HIBADH: variants seen among roughly 807,000 people sequenced by gnomAD.
HIBADH encodes the protein 3-hydroxyisobutyrate dehydrogenase.
In HIBADH, 25 loss-of-function variants were observed where a neutral mutation model predicts 36.1. That is an observed-to-expected ratio of 0.69 (90% confidence interval 0.50 to 0.97). HIBADH has a LOEUF of 0.97. HIBADH is among the 50% of genes least tolerant of loss of function. The pLI, the probability that HIBADH is intolerant of heterozygous loss-of-function variation, is 0.00. For missense variants in HIBADH, 421 were observed against 418.0 expected (o/e 1.01, Z -0.06); for synonymous variants, 160 against 149.5 (o/e 1.07, Z -0.51).
intron 1 of HIBADH, among the ~76,000 whole-genome samples, chr7:27,655,735 A>C (rs1193990371): frequency 3.3e-5 from 3 of 91,378 alleles, no homozygotes; most frequent in African/African-American, 1.5e-4. Flanking sequence ...ATGACAACAG[A>C]AAATATGTAA....
At chr7:27,620,962 C>G (rs568289986) in intron 4 of HIBADH, among the ~76,000 whole-genome samples, 3 of 147,524 alleles carry the variant, frequency 2.0e-5, no homozygotes, top group Non-Finnish European at 4.5e-5. Context: ...AAAAAAAAAA[C>G]AATCCAACTG....
chr7:27,538,292 T>G (rs776417678), intron 6 of HIBADH, 49 bp downstream of exon 6: 1 of 1,357,228 alleles, frequency 7.4e-7, no homozygotes, highest in African/African-American at 1.4e-5. Flanking sequence ...GAAAATCAAA[T>G]AGGAAAGCCT....
chr7:27,571,090 T>C (rs993092916), intron 4 of HIBADH, among the ~76,000 whole-genome samples: 2 of 152,214 alleles, frequency 1.3e-5, no homozygotes, highest in East Asian at 3.8e-4. Flanking sequence ...TTTCTTTAGA[T>C]ATCTCATTTA....
At chr7:27,657,095 G>A (rs1049742902) in intron 1 of HIBADH, among the ~76,000 whole-genome samples, 3 of 151,984 alleles carry the variant, frequency 2.0e-5, no homozygotes, top group Middle Eastern at 3.4e-3. Flanking sequence ...ATCTGAAAAT[G>A]TAATGGGGAA....
rs368036907 is a variant in HIBADH, at chr7:27,576,981, A to T, written c.485-33881T>A. Among the ~76,000 whole-genome samples, 7 of 152,300 alleles carry T rather than the reference A, an allele frequency of 4.6e-5. No individual in the cohort carries two copies. The South Asian group carries it at 8.3e-4, about 18-fold the overall frequency. The stretch of plus-strand genomic sequence containing the variant: ...TTGATTTTAAAATTCAAAGACACCA[A>T]CAATTTCTGATTCAATGCATACCAA... On this transcript the variant is annotated intron_variant, in intron 4 of 7. Transcript: ENST00000265395.
intron 3 of HIBADH, 69 bp downstream of exon 3, chr7:27,632,267 A>G (rs1785759757): frequency 4.0e-6 from 4 of 1,003,948 alleles, no homozygotes; most frequent in Admixed American, 1.8e-5. Flanking sequence ...GTAATTTCCT[A>G]ATAGTTCTAA....
At chr7:27,544,232 C>T (rs1311344244) in intron 4 of HIBADH, among the ~76,000 whole-genome samples, 1 of 152,070 alleles carries the variant, frequency 6.6e-6, no homozygotes, top group Non-Finnish European at 1.5e-5. Context: ...TGAAGAGATA[C>T]CTATTTCATT....
Position 27,538,341 on chromosome 7 carries a change from C to T in HIBADH, c.695G>A (p.Arg232Lys), listed in dbSNP as rs1213274036. 1.2e-6 allele frequency: 2 copies of T among 1,610,558 alleles called. No individual in the cohort carries two copies. Among genetic ancestry groups the T allele is most frequent in the African/African-American group, 1.3e-5 (1 of 74,804 alleles). ...GTAEAMNLGI[R>K]LGLDPKLLAK... ...TATAAAAACGTACTATTCAACAAACCTGATTCCAAGATTCATAGCTTCAGC... is the reference window on the plus strand; with the variant it reads ...TATAAAAACGTACTATTCAACAAACTTGATTCCAAGATTCATAGCTTCAGC... The change falls in exon 6 of 8, where the codon AGG becomes AAG. Residue 232 changes from arginine (R) to lysine (K), a missense_variant and splice_region_variant. By Grantham distance (26) the Arg-to-Lys change is conservative (BLOSUM62 2). Coordinates refer to ENST00000265395, the MANE Select transcript of HIBADH (RefSeq NM_152740.4).
chr7:27,592,565 T>G (rs1286281635), intron 4 of HIBADH, among the ~76,000 whole-genome samples: 1 of 152,208 alleles, frequency 6.6e-6, no homozygotes, highest in Non-Finnish European at 1.5e-5. Context: ...TGGTGAATGT[T>G]ATAGGCTGAC....
chr7:27,541,655 G>C (rs528660601), intron 5 of HIBADH: 1 of 365,652 alleles, frequency 2.7e-6, no homozygotes, highest in African/African-American at 2.2e-5. Context: ...ACTTTTTCTT[G>C]TAATGTCATG....
At chr7:27,662,458 A>G (rs1049046561) in intron 1 of HIBADH, among the ~76,000 whole-genome samples, 1 of 152,086 alleles carries the variant, frequency 6.6e-6, no homozygotes, top group Non-Finnish European at 1.5e-5. Flanking sequence ...CTAAATCCCG[A>G]AAAGGGCGCT....
chr7:27,611,592 T>C (rs1785322754), intron 4 of HIBADH, among the ~76,000 whole-genome samples: 1 of 152,232 alleles, frequency 6.6e-6, no homozygotes, highest in South Asian at 2.1e-4. Context: ...ACAACTTTCA[T>C]AAAAATGTGA....
At chr7:27,534,492 A>G (rs573419054) in intron 6 of HIBADH, among the ~76,000 whole-genome samples, 142 of 152,332 alleles carry the variant, frequency 9.3e-4, no homozygotes, top group African/African-American at 2.1e-3. Context: ...GGCTGAGTTA[A>G]GACCCACCTG....
At chr7:27,550,683 A>G (rs1019089052) in intron 4 of HIBADH, among the ~76,000 whole-genome samples, 2 of 152,154 alleles carry the variant, frequency 1.3e-5, no homozygotes. Flanking sequence ...ATTCCTGGTG[A>G]TATCTCTAAT....
At chr7:27,562,890 T>C (rs1488784024) in intron 4 of HIBADH, among the ~76,000 whole-genome samples, 2 of 152,238 alleles carry the variant, frequency 1.3e-5, no homozygotes, top group African/African-American at 2.4e-5. Flanking sequence ...AAAATGTCTA[T>C]GTTTAATCAT....
rs576879408 is a variant in HIBADH at position 27,558,362 on chromosome 7, C to T, written c.485-15262G>A. ...TTTTTTGGGGGGACAGGGTCTCGCT[C>T]GGTCACCCTGGCTGGAGTGTGGTGG... On this transcript the variant is annotated intron_variant, in intron 4 of 7. Coordinates refer to ENST00000265395, the MANE Select transcript of HIBADH (RefSeq NM_152740.4). Among the ~76,000 whole-genome samples the T allele has an allele frequency of 1.3e-3, 193 of 152,102 alleles. 8 individuals carry two copies. The highest frequency in any genetic ancestry group is 8.4e-4 in the Non-Finnish European group (57 of 68,026).
Position 27,569,721 on chromosome 7 carries a change from G to A in HIBADH, c.485-26621C>T, listed in dbSNP as rs371869177. 2.0e-5 allele frequency among the ~76,000 whole-genome samples: 3 copies of A among 151,798 alleles called. No individual in the cohort carries two copies. The South Asian group carries it at 6.2e-4, about 32-fold the overall frequency. ...CTGACTAGAAAGTCTTGTACTTCCT[G>A]CAACTAGATCTGTCTCTGGGGCCAA... On this transcript the variant is annotated intron_variant, in intron 4 of 7. Coordinates refer to ENST00000265395, the MANE Select transcript of HIBADH (RefSeq NM_152740.4).
intron 2 of HIBADH, among the ~76,000 whole-genome samples, chr7:27,632,954 ATCTGTTTCAGAAAAGAAAAG>A (rs1230295240): frequency 3.3e-5 from 5 of 152,282 alleles, no homozygotes; most frequent in East Asian, 1.9e-4. Flanking sequence ...AGAAGAAAGT[ATCTGTTTCAGAAAAGAAAAG>A]TCTGTTTCAG....
At chr7:27,625,187 AC>A in intron 4 of HIBADH, among the ~76,000 whole-genome samples, 1 of 152,254 alleles carries the variant, frequency 6.6e-6, no homozygotes, top group Non-Finnish European at 1.5e-5. Context: ...CAAACCGCAA[AC>A]CCTGACATAA....
Sources: gnomAD v4.1 joint callset for allele counts (sites outside exome capture counted in the v4.1 genomes callset) on GRCh38, gnomAD v4.1.1 for gene constraint, MANE v1.5 for transcripts, NCBI Gene and HGNC (gene_info 2026-07-23, HGNC 2026-07-21) for gene names.